Variants in SAMD8 observed in about 807,000 individuals in gnomAD.
SAMD8 encodes sphingomyelin synthase-related protein 1.
In SAMD8, 20 loss-of-function variants were observed where a neutral mutation model predicts 42.0. The ratio of observed to expected loss-of-function variants is 0.48; its 90% confidence interval spans 0.34 to 0.69. The LOEUF (loss-of-function observed/expected upper bound fraction) is 0.69. Ranked by LOEUF, SAMD8 falls within the 30% of genes least tolerant of loss-of-function variation. The pLI, the probability that SAMD8 is intolerant of heterozygous loss-of-function variation, is 0.01. For missense variants in SAMD8, 328 were observed against 511.6 expected (o/e 0.64, Z 3.46); for synonymous variants, 162 against 173.0 (o/e 0.94, Z 0.50).
chr10:75,153,225 G>T (rs1178793910), intron 2 of SAMD8, among the ~76,000 whole-genome samples: 1 of 151,660 alleles, frequency 6.6e-6, no homozygotes, highest in African/African-American at 2.4e-5. Context: ...CAAATGATCC[G>T]CCCACCTCAG....
chr10:75,113,839 C>T (rs1025296343), intron 1 of SAMD8, among the ~76,000 whole-genome samples: 1 of 152,112 alleles, frequency 6.6e-6, no homozygotes, highest in African/African-American at 2.4e-5. Flanking sequence ...ACCTTATCTT[C>T]ATACTTAGTT....
Position 75,102,441 on chromosome 10 carries a change from TCAAAAAGAAAAAAAGAAAAAA to T in SAMD8, c.-16+2730_-16+2750del, listed in dbSNP as rs1402051695. ...CTGGGCGACAGGGCGAGACTCCGTC[TCAAAAAGAAAAAAAGAAAAAA>T]CAAAAAGAAAAAAAGAGATAGTGGG... On this transcript the variant is annotated intron_variant, in intron 1 of 3. Coordinates refer to the SAMD8 transcript ENST00000447533. 7.9e-5 allele frequency among the ~76,000 whole-genome samples: 12 copies of T among 151,390 alleles called. No homozygotes were observed. In the East Asian group the frequency reaches 1.8e-3, roughly 22 times the overall value.
intron 1 of SAMD8, among the ~76,000 whole-genome samples, chr10:75,138,958 C>CTTT (rs201911661): frequency 6.8e-5 from 9 of 133,308 alleles, no homozygotes; most frequent in Admixed American, 3.0e-4. Context: ...GTGGTTTTTT[C>CTTT]TTTTTTTTTT....
chr10:75,160,483 G>A (rs1172746764), intron 2 of SAMD8, among the ~76,000 whole-genome samples: 1 of 152,040 alleles, frequency 6.6e-6, no homozygotes, highest in African/African-American at 2.4e-5. Flanking sequence ...TGGGATTACA[G>A]GCGTGAGCCA....
intron 4 of SAMD8, among the ~76,000 whole-genome samples, chr10:75,169,592 G>A (rs1324598825): frequency 6.6e-6 from 1 of 151,632 alleles, no homozygotes; most frequent in Non-Finnish European, 1.5e-5. Context: ...GCATGCTCTG[G>A]TTCCTTCACT....
upstream of SAMD8, chr10:75,111,411 A>C (rs1010490779): frequency 4.2e-5 from 36 of 856,422 alleles, no homozygotes; most frequent in Non-Finnish European, 5.4e-5. Flanking sequence ...GCCCATCTGG[A>C]GCCTCGCGTC....
intron 1 of SAMD8, chr10:75,103,864 G>A: frequency 3.1e-6 from 4 of 1,288,656 alleles, no homozygotes; most frequent in African/African-American, 3.0e-5. Flanking sequence ...GAAGCCTGAG[G>A]GCTTGGCTGA....
chr10:75,121,336 T>A (rs1393764368), intron 1 of SAMD8, among the ~76,000 whole-genome samples: 1 of 152,180 alleles, frequency 6.6e-6, no homozygotes, highest in Admixed American at 6.5e-5. Context: ...ATATCAGATG[T>A]TGTTGGCAAA....
At chr10:75,155,728 T>C (rs1024733049) in intron 2 of SAMD8, among the ~76,000 whole-genome samples, 1 of 152,214 alleles carries the variant, frequency 6.6e-6, no homozygotes, top group Non-Finnish European at 1.5e-5. Flanking sequence ...GTAATAATTA[T>C]AAATATTGTA....
At chr10:75,104,064 G>A (rs751054115) in intron 1 of SAMD8, 1 of 1,360,860 alleles carries the variant, frequency 7.3e-7, no homozygotes, top group South Asian at 1.2e-5. Context: ...GTGGCAAAGT[G>A]GCAGAGCCCC....
intron 1 of SAMD8, among the ~76,000 whole-genome samples, chr10:75,128,244 T>A (rs1849191299): frequency 6.6e-6 from 1 of 152,010 alleles, no homozygotes; most frequent in African/African-American, 2.4e-5. Context: ...AGCTAATTTT[T>A]GTATTTTTAG....
At chr10:75,127,631 G>A (rs1352378641) in intron 1 of SAMD8, among the ~76,000 whole-genome samples, 2 of 152,162 alleles carry the variant, frequency 1.3e-5, no homozygotes, top group Non-Finnish European at 2.9e-5. Context: ...GTGAGTTAGG[G>A]TGTACATTCT....
At chr10:75,157,134 A>G (rs1275822325) in intron 2 of SAMD8, among the ~76,000 whole-genome samples, 3 of 152,154 alleles carry the variant, frequency 2.0e-5, no homozygotes, top group Non-Finnish European at 2.9e-5. Context: ...ATTATTGTAA[A>G]TGATGAGTTT....
intron 1 of SAMD8, chr10:75,150,260 C>T (rs1012220229): frequency 1.7e-5 from 3 of 175,672 alleles, no homozygotes; most frequent in African/African-American, 7.3e-5. Context: ...TATAGGTGTC[C>T]CACCATGCCC....
chr10:75,103,273 G>T (rs879321818), intron 1 of SAMD8, among the ~76,000 whole-genome samples: 3 of 152,232 alleles, frequency 2.0e-5, no homozygotes, highest in Non-Finnish European at 2.9e-5. Context: ...TCAGTTAGGG[G>T]CCAAGGCCGA....
chr10:75,137,484 G>C (rs1166266542), intron 1 of SAMD8, among the ~76,000 whole-genome samples: 1 of 151,514 alleles, frequency 6.6e-6, no homozygotes, highest in Admixed American at 6.6e-5. Flanking sequence ...AGCTTGCAGC[G>C]AGCCAAGATC....
At chr10:75,136,336 T>C (rs1465653551) in intron 1 of SAMD8, among the ~76,000 whole-genome samples, 1 of 152,198 alleles carries the variant, frequency 6.6e-6, no homozygotes, top group Non-Finnish European at 1.5e-5. Flanking sequence ...ATGTCATTCA[T>C]TCCAAAGAAT....
chr10:75,164,883 T>C, intron 3 of SAMD8, 143 bp downstream of exon 3: 1 of 658,448 alleles, frequency 1.5e-6, no homozygotes, highest in Non-Finnish European at 2.6e-6. Flanking sequence ...GGATTTTGAG[T>C]TTGATCAGTA....
At chr10:75,109,266 C>T, upstream of SAMD8, 1 of 1,297,876 alleles carries the variant, frequency 7.7e-7, no homozygotes, top group Non-Finnish European at 1.0e-6. Context: ...GCAAGTGACT[C>T]AGCAAGTCAC....
Sources: allele counts gnomAD v4.1 joint callset (sites outside exome capture counted in the v4.1 genomes callset), GRCh38; gene constraint gnomAD v4.1.1; transcripts MANE v1.5; gene names NCBI Gene and HGNC (gene_info 2026-07-23, HGNC 2026-07-21).